Variants in DLG2 observed in about 807,000 individuals in gnomAD.
DLG2 encodes the protein disks large homolog 2.
Under a neutral mutation model 132.5 loss-of-function variants are expected in DLG2, and 45 were observed. The ratio of observed to expected loss-of-function variants is 0.34; its 90% CI spans 0.27 to 0.44. The LOEUF (loss-of-function observed/expected upper bound fraction) is 0.44. Among genes scored for constraint, DLG2 ranks in the 20% least tolerant of loss-of-function variants. The pLI is 1.00. For synonymous variants in DLG2, 424 were observed against 419.6 expected (o/e 1.01, Z -0.13); for missense variants, 1,045 against 1,196.9 (o/e 0.87, Z 1.87).
chr11:84,910,222 C>A (rs2091930008), intron 6 of DLG2, among the ~76,000 whole-genome samples: 1 of 152,178 alleles, frequency 6.6e-6, no homozygotes, highest in Non-Finnish European at 1.5e-5. Flanking sequence ...CTGCTCCAAT[C>A]ATTTCTGCAA....
At chr11:84,017,908 T>A (rs540168562) in intron 11 of DLG2, among the ~76,000 whole-genome samples, 4 of 152,042 alleles carry the variant, frequency 2.6e-5, no homozygotes, top group African/African-American at 9.6e-5. Context: ...TTGTTTCTGA[T>A]GAGAAGTCAG....
At chr11:85,216,642 A>T (rs907242238) in intron 4 of DLG2, among the ~76,000 whole-genome samples, 2 of 152,182 alleles carry the variant, frequency 1.3e-5, no homozygotes, top group Admixed American at 1.3e-4. Flanking sequence ...TATAAATGTG[A>T]ATCACAGAAT....
chr11:84,973,266 C>G (rs908255206), intron 6 of DLG2, among the ~76,000 whole-genome samples: 2 of 152,086 alleles, frequency 1.3e-5, no homozygotes, highest in African/African-American at 4.8e-5. Context: ...GCCTAAGCCT[C>G]AGTTTTAAAT....
rs547054080 is a variant in DLG2, at chr11:83,469,453, C to T, written c.2447-80G>A. The stretch of plus-strand genomic sequence containing the variant: ...TTTACACCTATATTCTCCACCACAT[C>T]CTCAACATTGATATGTAGAAATATG... On this transcript the variant is annotated intron_variant, in intron 24 of 27. Coordinates refer to ENST00000376104, the MANE Select transcript of DLG2 (RefSeq NM_001142699.3). 4 of 1,037,022 alleles carry T rather than the reference C, an allele frequency of 3.9e-6. No individual in the cohort carries two copies. The Admixed American group carries it at 9.4e-5, about 24-fold the overall frequency. 64.2% of individuals were successfully genotyped at this position (1,037,022 alleles called of 1,614,324 possible). A position where few individuals can be genotyped will look rare whatever the true frequency, so the allele number is the denominator to read the frequency against.
chr11:84,477,076 A>G (rs1359234323), intron 7 of DLG2, among the ~76,000 whole-genome samples: 1 of 152,204 alleles, frequency 6.6e-6, no homozygotes, highest in Non-Finnish European at 1.5e-5. Context: ...TATAGTGGAC[A>G]CTGAACAAAT....
At position 84,790,238 on chromosome 11, in the gene DLG2, T is replaced by C. The variant is rs181824496; in HGVS notation, c.358-255507A>G. Among the ~76,000 whole-genome samples the C allele has an allele frequency of 1.0e-3, 156 of 152,234 alleles. 2 individuals carry two copies. The highest frequency in any genetic ancestry group is 3.8e-3 in the Admixed American group (58 of 15,294). ...AGAGTTCTCTTTTCCACTGATCCTC[T>C]CCAGCATTTGTTATTGCCTGCCTTT... On this transcript the variant is annotated intron_variant, in intron 6 of 27. Transcript: ENST00000376104.
At chr11:84,398,372 T>C (rs1210882314) in intron 7 of DLG2, among the ~76,000 whole-genome samples, 2 of 152,080 alleles carry the variant, frequency 1.3e-5, no homozygotes, top group Admixed American at 1.3e-4. Flanking sequence ...AGTAGTACTA[T>C]AAAGAATAAA....
intron 6 of DLG2, chr11:84,545,587 C>T: frequency 2.8e-6 from 1 of 362,556 alleles, no homozygotes; most frequent in Non-Finnish European, 5.4e-6. Flanking sequence ...CCTAACTTCA[C>T]AGTTGTGGCC....
chr11:83,684,360 T>C (rs2079357288), intron 18 of DLG2: 1 of 152,158 alleles, frequency 6.6e-6, no homozygotes, highest in African/African-American at 2.4e-5. Flanking sequence ...GGTTTAGACA[T>C]GAGAGATTTT....
At chr11:85,360,249 T>C (rs961725545) in intron 3 of DLG2, among the ~76,000 whole-genome samples, 3 of 152,234 alleles carry the variant, frequency 2.0e-5, no homozygotes, top group Non-Finnish European at 4.4e-5. Context: ...GAATATAGGC[T>C]GTAATGTCTG....
intron 4 of DLG2, among the ~76,000 whole-genome samples, chr11:85,267,500 C>A (rs1055407625): frequency 6.6e-6 from 1 of 152,092 alleles, no homozygotes; most frequent in African/African-American, 2.4e-5. Flanking sequence ...CTATACCCCC[C>A]ACAAAAAACA....
chr11:84,457,376 G>C lies in DLG2; in HGVS notation c.519+77194C>G, dbSNP rs528056432. ...AACTTGTTTAGTGGAATAACAACTCGATAAATGGAATAAAATGTGCTAAAA... is the reference window on the plus strand; with the variant it reads ...AACTTGTTTAGTGGAATAACAACTCCATAAATGGAATAAAATGTGCTAAAA... On this transcript the variant is annotated intron_variant, in intron 7 of 27. Coordinates refer to ENST00000376104, the MANE Select transcript of DLG2 (RefSeq NM_001142699.3). Among the ~76,000 whole-genome samples the C allele has an allele frequency of 3.3e-5, 5 of 151,036 alleles. No homozygotes were observed. The South Asian group carries it at 1.0e-3, about 31-fold the overall frequency.
At chr11:84,960,910 C>T (rs911763543) in intron 6 of DLG2, among the ~76,000 whole-genome samples, 1 of 152,092 alleles carries the variant, frequency 6.6e-6, no homozygotes, top group African/African-American at 2.4e-5. Flanking sequence ...ATGCATAATA[C>T]ACTGGAGCTC....
intron 6 of DLG2, among the ~76,000 whole-genome samples, chr11:84,798,337 A>T (rs1024442454): frequency 8.6e-5 from 13 of 152,008 alleles, no homozygotes; most frequent in African/African-American, 3.1e-4. Context: ...AAACCATCAA[A>T]ATTTTCCTGG....
chr11:85,389,497 A>T (rs1267463722), intron 3 of DLG2, among the ~76,000 whole-genome samples: 2 of 152,170 alleles, frequency 1.3e-5, no homozygotes, highest in African/African-American at 4.8e-5. Context: ...CAAATACAAG[A>T]AGCTCAAAGA....
At chr11:84,115,514 G>A (rs59144272) in intron 9 of DLG2, among the ~76,000 whole-genome samples, 21,114 of 152,078 alleles carry the variant, frequency 0.14, 2,617 homozygotes, top group African/African-American at 0.34. Context: ...TTAAGTCACG[G>A]ACACCTGTCT....
intron 7 of DLG2, among the ~76,000 whole-genome samples, chr11:84,353,085 G>A (rs190408789): frequency 7.9e-4 from 120 of 152,002 alleles, no homozygotes; most frequent in Admixed American, 7.7e-3. Context: ...AGATATCATT[G>A]TGTCTCCCTC....
intron 3 of DLG2, among the ~76,000 whole-genome samples, chr11:85,515,915 A>G (rs1489236043): frequency 6.6e-6 from 1 of 152,058 alleles, no homozygotes; most frequent in African/African-American, 2.4e-5. Context: ...CAAGAAAGAA[A>G]TAGAATCAGT....
intron 6 of DLG2, among the ~76,000 whole-genome samples, chr11:84,936,919 G>A (rs1489055921): frequency 6.6e-6 from 1 of 152,100 alleles, no homozygotes. Flanking sequence ...TTAGGAGGCC[G>A]AGGCAGCTGG....
Sources: gnomAD v4.1 joint callset for allele counts (sites outside exome capture counted in the v4.1 genomes callset) on GRCh38, gnomAD v4.1.1 for gene constraint, MANE v1.5 for transcripts, NCBI Gene and HGNC (gene_info 2026-07-23, HGNC 2026-07-21) for gene names.